UBE3D: variants seen among roughly 807,000 people sequenced by gnomAD.
UBE3D encodes the protein E3 ubiquitin-protein ligase E3D.
Under a neutral mutation model 49.6 loss-of-function variants are expected in UBE3D, and 48 were observed. The ratio of observed to expected loss-of-function variants is 0.97; its 90% CI spans 0.77 to 1.23. The LOEUF (loss-of-function observed/expected upper bound fraction) is 1.23. UBE3D is among the 50% of genes most tolerant of loss of function. The probability of loss-of-function intolerance (pLI) is 0.00; values close to 1 mark genes in which losing one functional copy is unlikely to be tolerated. For synonymous variants in UBE3D, 189 were observed against 174.2 expected (o/e 1.08, Z -0.67); for missense variants, 452 against 468.4 (o/e 0.96, Z 0.32).
At chr6:82,961,963 CA>C (rs371333463) in intron 8 of UBE3D, among the ~76,000 whole-genome samples, 123 of 142,928 alleles carry the variant, frequency 8.6e-4, no homozygotes, top group Non-Finnish European at 1.4e-3. Context: ...AAAAAAAAAA[CA>C]AAAAAGATGC....
chr6:82,899,819 T>G (rs1468223344), intron 9 of UBE3D, among the ~76,000 whole-genome samples: 1 of 152,222 alleles, frequency 6.6e-6, no homozygotes, highest in Non-Finnish European at 1.5e-5. Context: ...GCAGTTCTGA[T>G]GCTCCCAGTC....
At chr6:83,062,175 TTCATGGCTGTATTCTCAG>T (rs1784217432) in intron 1 of UBE3D, among the ~76,000 whole-genome samples, 2 of 152,226 alleles carry the variant, frequency 1.3e-5, no homozygotes, top group Admixed American at 1.3e-4. Context: ...GTTGTTACTG[TTCATGGCTGTATTCTCAG>T]CACTTAGAAT....
At chr6:82,937,140 A>G (rs1774638266) in intron 9 of UBE3D, among the ~76,000 whole-genome samples, 1 of 152,152 alleles carries the variant, frequency 6.6e-6, no homozygotes, top group Non-Finnish European at 1.5e-5. Flanking sequence ...CATTTAGACT[A>G]GAAAAGATCC....
intron 9 of UBE3D, among the ~76,000 whole-genome samples, chr6:82,945,632 C>T (rs1775346808): frequency 6.6e-6 from 1 of 152,108 alleles, no homozygotes; most frequent in South Asian, 2.1e-4. Flanking sequence ...TGAAGACCAT[C>T]CAGAAAAACA....
At chr6:82,936,164 A>G (rs2783166) in intron 9 of UBE3D, among the ~76,000 whole-genome samples, 101,551 of 151,984 alleles carry the variant, frequency 0.67, 34,514 homozygotes, top group East Asian at 0.79. Context: ...AAAATCCTAG[A>G]TATATTCCAT....
chr6:82,909,977 C>A (rs898845109), intron 9 of UBE3D, among the ~76,000 whole-genome samples: 1 of 152,128 alleles, frequency 6.6e-6, no homozygotes, highest in Non-Finnish European at 1.5e-5. Flanking sequence ...TGGTCACTAC[C>A]CTCAACGTGT....
chr6:83,044,633 G>A lies in UBE3D; in HGVS notation c.392C>T (p.Pro131Leu), dbSNP rs577659762. 2.1e-5 allele frequency: 34 copies of A among 1,613,870 alleles called. No homozygotes were observed. The highest frequency in any genetic ancestry group is 1.4e-4 in the South Asian group (13 of 91,068). ...AACTAGAGCTCCCCAGTTCTCACTC[G>A]GCAGTGGGAGCACCCTGAGGAGCTT... ...DRKLLRVLPLPSENWGALVGE... is the reference protein window; with the variant it reads ...DRKLLRVLPLLSENWGALVGE... The change falls in exon 4 of 10, where the codon CCG (proline) becomes CTG (leucine). Residue 131 changes from proline to leucine, a missense_variant. By Grantham distance (98) the Pro-to-Leu change is moderately conservative. Transcript: ENST00000369747.
chr6:82,953,107 C>T (rs1775918028), intron 9 of UBE3D, among the ~76,000 whole-genome samples: 2 of 152,176 alleles, frequency 1.3e-5, no homozygotes, highest in Admixed American at 6.5e-5. Flanking sequence ...TGCCACCTAA[C>T]CCCAGAGTTC....
At chr6:82,986,765 A>G (rs1340483376) in intron 8 of UBE3D, among the ~76,000 whole-genome samples, 2 of 148,286 alleles carry the variant, frequency 1.3e-5, no homozygotes, top group Non-Finnish European at 3.0e-5. Flanking sequence ...TGTATTATAC[A>G]TATATATTCT....
At chr6:83,025,882 TAAA>T (rs70987730) in intron 5 of UBE3D, among the ~76,000 whole-genome samples, 2 of 90,308 alleles carry the variant, frequency 2.2e-5, no homozygotes, top group Non-Finnish European at 4.2e-5. Flanking sequence ...GACTCCATCT[TAAA>T]AAAAAAAAAA....
intron 9 of UBE3D, among the ~76,000 whole-genome samples, chr6:82,932,013 G>A (rs907868757): frequency 6.6e-6 from 1 of 152,128 alleles, no homozygotes; most frequent in African/African-American, 2.4e-5. Context: ...GTTCTCATGA[G>A]ATAAAATGGT....
At chr6:82,940,105 T>G (rs1774901625) in intron 9 of UBE3D, among the ~76,000 whole-genome samples, 1 of 152,116 alleles carries the variant, frequency 6.6e-6, no homozygotes, top group African/African-American at 2.4e-5. Flanking sequence ...GCAACGTGGA[T>G]CTGACTAAAT....
chr6:82,942,314 G>A (rs1047279836), intron 9 of UBE3D, among the ~76,000 whole-genome samples: 2 of 152,180 alleles, frequency 1.3e-5, no homozygotes, highest in African/African-American at 2.4e-5. Flanking sequence ...TATTTAAAGG[G>A]GAAGCAGAGC....
chr6:82,962,503 C>G (rs1174214253), intron 8 of UBE3D, among the ~76,000 whole-genome samples: 1 of 152,096 alleles, frequency 6.6e-6, no homozygotes, highest in Non-Finnish European at 1.5e-5. Flanking sequence ...GACATTGTTA[C>G]AGTAATGATA....
In UBE3D at chr6:83,024,091, T is replaced by C; in HGVS notation, c.668-53A>G. On this transcript the variant is annotated intron_variant, in intron 5 of 9. Transcript: ENST00000369747. Reference sequence around the variant, plus strand: ...CTCCCCAATACACTAATAATTTTATTGTGGGCAAGTTGACTCCAAATTAGG... The same window carrying C: ...CTCCCCAATACACTAATAATTTTATCGTGGGCAAGTTGACTCCAAATTAGG... 5 of 1,003,436 alleles carry C rather than the reference T, an allele frequency of 5.0e-6. No homozygotes were observed. The South Asian group carries it at 9.0e-5, about 18-fold the overall frequency. The allele number at this position is 1,003,436 out of a possible 1,614,324, so 62.2% of individuals were successfully genotyped here. A position where few individuals can be genotyped will look rare whatever the true frequency, so the allele number is the denominator to read the frequency against.
At chr6:83,025,703 T>G (rs536574990) in intron 5 of UBE3D, among the ~76,000 whole-genome samples, 2 of 151,736 alleles carry the variant, frequency 1.3e-5, no homozygotes, top group East Asian at 3.9e-4. Context: ...GCCAACATGG[T>G]GAAACCCTGT....
At chr6:83,026,034 A>G (rs1288399763) in intron 5 of UBE3D, among the ~76,000 whole-genome samples, 1 of 152,116 alleles carries the variant, frequency 6.6e-6, no homozygotes, top group Non-Finnish European at 1.5e-5. Flanking sequence ...AATACTGAAA[A>G]CAAATGTCTA....
At chr6:82,921,581 G>A (rs1335373294) in intron 9 of UBE3D, among the ~76,000 whole-genome samples, 1 of 152,156 alleles carries the variant, frequency 6.6e-6, no homozygotes, top group Non-Finnish European at 1.5e-5. Flanking sequence ...GATGGTGAAT[G>A]AAGCAACTTG....
chr6:82,959,043 C>T (rs1776361523), intron 8 of UBE3D, among the ~76,000 whole-genome samples: 1 of 152,118 alleles, frequency 6.6e-6, no homozygotes, highest in African/African-American at 2.4e-5. Flanking sequence ...TCTCCAATTC[C>T]AAGTCTTGGG....
Sources: gnomAD v4.1 joint callset for allele counts (sites outside exome capture counted in the v4.1 genomes callset) on GRCh38, gnomAD v4.1.1 for gene constraint, MANE v1.5 for transcripts, NCBI Gene and HGNC (gene_info 2026-07-23, HGNC 2026-07-21) for gene names.